Variants in VSTM4 observed in about 807,000 individuals in gnomAD.
The protein encoded by VSTM4 is V-set and transmembrane domain containing 4.
A neutral mutation model predicts 36.4 loss-of-function variants in VSTM4; 20 were observed. The ratio of observed to expected loss-of-function variants is 0.55; its 90% CI spans 0.39 to 0.80. The LOEUF is 0.80. VSTM4 is among the 30% of genes least tolerant of loss of function. The pLI, the probability that VSTM4 is intolerant of heterozygous loss-of-function variation, is 0.00. For missense variants in VSTM4, 392 were observed against 404.5 expected (o/e 0.97, Z 0.26); for synonymous variants, 182 against 173.9 (o/e 1.05, Z -0.37).
At chr10:49,067,817 G>T (rs372354944) in intron 4 of VSTM4, among the ~76,000 whole-genome samples, 1 of 152,222 alleles carries the variant, frequency 6.6e-6, no homozygotes, top group East Asian at 1.9e-4. Context: ...GAGCCCTCTT[G>T]TAACTATAGT....
At chr10:49,020,091 TA>T (rs1843159744) in intron 7 of VSTM4, among the ~76,000 whole-genome samples, 1 of 152,088 alleles carries the variant, frequency 6.6e-6, no homozygotes, top group African/African-American at 2.4e-5. Flanking sequence ...ATAATGTAAC[TA>T]ATGGTCTCTG....
At chr10:49,054,257 G>C (rs528830773) in intron 5 of VSTM4, among the ~76,000 whole-genome samples, 2 of 152,228 alleles carry the variant, frequency 1.3e-5, no homozygotes, top group African/African-American at 4.8e-5. Flanking sequence ...AGCCACAGTG[G>C]CTACTCCCAG....
intron 7 of VSTM4, among the ~76,000 whole-genome samples, chr10:49,028,740 C>T (rs569349432): frequency 6.6e-6 from 1 of 152,150 alleles, no homozygotes; most frequent in Non-Finnish European, 1.5e-5. Flanking sequence ...TGAATTAAGT[C>T]ACGGTAATAA....
intron 2 of VSTM4, among the ~76,000 whole-genome samples, chr10:49,099,400 C>G (rs1844628326): frequency 6.6e-6 from 1 of 152,194 alleles, no homozygotes; most frequent in South Asian, 2.1e-4. Context: ...TCTTACCGCT[C>G]TGGAATCATT....
chr10:49,078,158 C>T (rs959847287), intron 3 of VSTM4, among the ~76,000 whole-genome samples: 5 of 152,184 alleles, frequency 3.3e-5, no homozygotes, highest in African/African-American at 1.2e-4. Context: ...ATAGTGACAT[C>T]CCCAAATGCT....
At chr10:49,094,013 C>T (rs983931408) in intron 2 of VSTM4, among the ~76,000 whole-genome samples, 6 of 152,264 alleles carry the variant, frequency 3.9e-5, no homozygotes, top group Admixed American at 6.5e-5. Flanking sequence ...TCCCAAAGTG[C>T]TGGGATTACA....
At chr10:49,062,158 T>C (rs1843888627) in intron 5 of VSTM4, among the ~76,000 whole-genome samples, 1 of 152,210 alleles carries the variant, frequency 6.6e-6, no homozygotes, top group African/African-American at 2.4e-5. Flanking sequence ...TTTTAAACAG[T>C]GTTGTCTTGA....
chr10:49,020,605 T>C (rs1036865225), intron 7 of VSTM4, among the ~76,000 whole-genome samples: 1 of 151,766 alleles, frequency 6.6e-6, no homozygotes, highest in Non-Finnish European at 1.5e-5. Flanking sequence ...AACTTTTAAA[T>C]ACAGGATAAA....
intron 5 of VSTM4, among the ~76,000 whole-genome samples, chr10:49,050,119 G>A (rs1169614768): frequency 1.3e-5 from 2 of 152,196 alleles, no homozygotes; most frequent in East Asian, 1.9e-4. Flanking sequence ...GTATAAAGAC[G>A]AAGAAGCTAC....
At chr10:49,022,556 A>C (rs1009346037) in intron 7 of VSTM4, among the ~76,000 whole-genome samples, 12 of 152,172 alleles carry the variant, frequency 7.9e-5, no homozygotes, top group African/African-American at 2.9e-4. Context: ...TCAATTTCAA[A>C]GTTAAGATCA....
intron 7 of VSTM4, among the ~76,000 whole-genome samples, chr10:49,042,420 A>G (rs1023462951): frequency 6.6e-6 from 1 of 152,244 alleles, no homozygotes; most frequent in Non-Finnish European, 1.5e-5. Context: ...TCTTTAAAAA[A>G]CAGGTGAAGC....
At chr10:49,038,354 A>G (rs1307590624) in intron 7 of VSTM4, among the ~76,000 whole-genome samples, 1 of 152,256 alleles carries the variant, frequency 6.6e-6, no homozygotes, top group African/African-American at 2.4e-5. Context: ...TAAGCCAGTC[A>G]CAAAAGGACA....
At chr10:49,058,050 G>C (rs78624194) in intron 5 of VSTM4, among the ~76,000 whole-genome samples, 181 of 152,278 alleles carry the variant, frequency 1.2e-3, no homozygotes, top group South Asian at 3.5e-3. Flanking sequence ...CCTCTAATGA[G>C]AGGCCATTGG....
At chr10:49,026,990 A>C (rs77620403) in intron 7 of VSTM4, among the ~76,000 whole-genome samples, 5,769 of 152,030 alleles carry the variant, frequency 0.038, 316 homozygotes, top group African/African-American at 0.11. Context: ...GTTTAAGTTG[A>C]TCCCCTCCGC....
chr10:49,062,747 T>C (rs1843902002), intron 5 of VSTM4, among the ~76,000 whole-genome samples: 1 of 152,212 alleles, frequency 6.6e-6, no homozygotes, highest in African/African-American at 2.4e-5. Context: ...TGTTGGATCT[T>C]TTGTCCTGTA....
rs34122268 is a variant in VSTM4, at chr10:49,049,755, CTT to C, written c.669-1173_669-1172del. 2.1e-3 allele frequency among the ~76,000 whole-genome samples: 316 copies of C among 147,948 alleles called. 1 individual carries two copies. Among genetic ancestry groups the C allele is most frequent in the African/African-American group, 5.1e-3 (206 of 40,556 alleles). On this transcript the variant is annotated intron_variant, in intron 5 of 7. Coordinates refer to ENST00000332853, the MANE Select transcript of VSTM4 (RefSeq NM_001031746.5). ...AATTCCAGTTAAAGTATACTGACTTCTTTTTTTTTTTTTCCAAATCAAAATGG... is the reference window on the plus strand; with the variant it reads ...AATTCCAGTTAAAGTATACTGACTTCTTTTTTTTTTTCCAAATCAAAATGG...
chr10:49,029,779 G>T (rs779682389), intron 7 of VSTM4, among the ~76,000 whole-genome samples: 16 of 152,374 alleles, frequency 1.1e-4, no homozygotes, highest in Non-Finnish European at 2.2e-4. Context: ...TAAAGGGGAA[G>T]TTGGGGGAGA....
intron 4 of VSTM4, among the ~76,000 whole-genome samples, chr10:49,069,993 C>G (rs1223950492): frequency 1.6e-5 from 1 of 61,948 alleles, no homozygotes; most frequent in Non-Finnish European, 3.0e-5. Context: ...TGGCTCACGC[C>G]TGTAATCCCA....
At chr10:49,108,240 C>T (rs1844826948) in intron 1 of VSTM4, among the ~76,000 whole-genome samples, 1 of 152,226 alleles carries the variant, frequency 6.6e-6, no homozygotes, top group Non-Finnish European at 1.5e-5. Context: ...CAATGACCTC[C>T]TGACCCAGAA....
Sources: gnomAD v4.1 joint callset for allele counts (sites outside exome capture counted in the v4.1 genomes callset) on GRCh38, gnomAD v4.1.1 for gene constraint, MANE v1.5 for transcripts, NCBI Gene and HGNC (gene_info 2026-07-23, HGNC 2026-07-21) for gene names.